PDE1C: variants seen among roughly 807,000 people sequenced by gnomAD.
The protein encoded by PDE1C is phosphodiesterase 1C, also known as dual specificity calcium/calmodulin-dependent 3',5'-cyclic nucleotide phosphodiesterase 1C.
PDE1C carries 62 observed loss-of-function variants against 93.1 expected under a neutral mutation model. The ratio of observed to expected loss-of-function variants is 0.67; its 90% CI spans 0.54 to 0.82. The LOEUF is 0.82. Among genes scored for constraint, PDE1C ranks in the 40% least tolerant of loss-of-function variants. The pLI, the probability that PDE1C is intolerant of heterozygous loss-of-function variation, is 0.00. For missense variants in PDE1C, 742 were observed against 884.6 expected, an observed-to-expected ratio of 0.84 and a Z score of 2.04; for synonymous variants, 325 against 310.1, an observed-to-expected ratio of 1.05 and a Z score of -0.50.
At chr7:32,243,618 A>C (rs1585018377) in intron 1 of PDE1C, among the ~76,000 whole-genome samples, 1 of 152,192 alleles carries the variant, frequency 6.6e-6, no homozygotes. Context: ...GGAGGTGGTG[A>C]TAGTGGGATC....
intron 1 of PDE1C, among the ~76,000 whole-genome samples, chr7:32,278,520 A>G (rs1160329926): frequency 6.6e-6 from 1 of 152,238 alleles, no homozygotes; most frequent in African/African-American, 2.4e-5. Flanking sequence ...ATCTACTCAC[A>G]TGCTTACAAA....
chr7:31,835,525 GGT>G (rs58539780), intron 11 of PDE1C, among the ~76,000 whole-genome samples: 109,038 of 146,912 alleles, frequency 0.74, 40,726 homozygotes, highest in Non-Finnish European at 0.81. Flanking sequence ...GGGGTGCTGC[GGT>G]GTGTGTGTGT....
chr7:32,252,293 AG>A (rs1809452114), intron 1 of PDE1C, among the ~76,000 whole-genome samples: 2 of 152,320 alleles, frequency 1.3e-5, no homozygotes, highest in South Asian at 4.1e-4. Flanking sequence ...CGGGACTATA[AG>A]GCACAAACCA....
intron 17 of PDE1C, among the ~76,000 whole-genome samples, chr7:31,765,856 G>A (rs562259795): frequency 6.6e-6 from 1 of 152,288 alleles, no homozygotes; most frequent in Non-Finnish European, 1.5e-5. Flanking sequence ...TTACAGTGAG[G>A]ACTATTTAGA....
intron 5 of PDE1C, among the ~76,000 whole-genome samples, chr7:31,876,790 G>A (rs866867952): frequency 3.9e-5 from 6 of 152,156 alleles, no homozygotes; most frequent in African/African-American, 1.4e-4. Flanking sequence ...TTCTTGCTGG[G>A]TCCTTCCTGA....
At chr7:31,861,776 GC>G (rs2128829030) in intron 7 of PDE1C, among the ~76,000 whole-genome samples, 1 of 152,164 alleles carries the variant, frequency 6.6e-6, no homozygotes, top group African/African-American at 2.4e-5. Flanking sequence ...TTCCTAGCAG[GC>G]TGCCTTAAAA....
At chr7:32,389,182 G>GTGTGTGTT (rs1784701881) in intron 1 of PDE1C, among the ~76,000 whole-genome samples, 1 of 139,600 alleles carries the variant, frequency 7.2e-6, no homozygotes, top group Non-Finnish European at 1.5e-5. Context: ...GTGTGTGTGT[G>GTGTGTGTT]TGTGTGTGGT....
chr7:31,659,094 G>C, the PDE1C span, among the ~76,000 whole-genome samples: 1 of 152,070 alleles, frequency 6.6e-6, no homozygotes, highest in South Asian at 2.1e-4. Flanking sequence ...TTTTATAACT[G>C]TGTAGTTGAT....
intron 3 of PDE1C, among the ~76,000 whole-genome samples, chr7:32,130,629 C>T (rs1233753706): frequency 6.6e-6 from 1 of 152,012 alleles, no homozygotes; most frequent in Non-Finnish European, 1.5e-5. Context: ...CCCTATGGTC[C>T]ATCTTACAAA....
intron 1 of PDE1C, among the ~76,000 whole-genome samples, chr7:32,244,893 T>C (rs1445201138): frequency 6.6e-6 from 1 of 152,204 alleles, no homozygotes; most frequent in Non-Finnish European, 1.5e-5. Context: ...ACTAAACAGT[T>C]GGTGAGCACA....
At chr7:32,333,413 A>G (rs1783551271) in intron 1 of PDE1C, among the ~76,000 whole-genome samples, 1 of 152,210 alleles carries the variant, frequency 6.6e-6, no homozygotes, top group Non-Finnish European at 1.5e-5. Flanking sequence ...CCATAATAAT[A>G]TAAGTATGGG....
intron 2 of PDE1C, among the ~76,000 whole-genome samples, chr7:31,916,509 C>T (rs1435746470): frequency 6.6e-6 from 1 of 152,196 alleles, no homozygotes; most frequent in Non-Finnish European, 1.5e-5. Flanking sequence ...CATGGACAAT[C>T]TTCATATGAC....
At chr7:32,277,949 A>G (rs963056877) in intron 1 of PDE1C, among the ~76,000 whole-genome samples, 1 of 152,156 alleles carries the variant, frequency 6.6e-6, no homozygotes, top group Non-Finnish European at 1.5e-5. Flanking sequence ...GTGGGAGGAG[A>G]TAGAAGGTGC....
intron 1 of PDE1C, among the ~76,000 whole-genome samples, chr7:32,229,863 GA>G (rs922250841): frequency 2.0e-5 from 3 of 152,188 alleles, no homozygotes; most frequent in Non-Finnish European, 4.4e-5. Flanking sequence ...AATCTAACAA[GA>G]GCTAGATTAT....
intron 1 of PDE1C, among the ~76,000 whole-genome samples, chr7:32,227,764 T>C (rs1001975525): frequency 6.6e-6 from 1 of 152,140 alleles, no homozygotes; most frequent in Non-Finnish European, 1.5e-5. Flanking sequence ...TGTCCAAGGC[T>C]CATAAGAAAC....
intron 1 of PDE1C, among the ~76,000 whole-genome samples, chr7:32,266,555 G>A (rs539696503): frequency 6.3e-4 from 96 of 152,332 alleles, no homozygotes; most frequent in Non-Finnish European, 1.1e-3. Context: ...GGGTGAGGGA[G>A]AGGAATAAAC....
intron 16 of PDE1C, chr7:31,787,254 G>A (rs944343986): frequency 6.6e-6 from 1 of 152,116 alleles, no homozygotes; most frequent in Non-Finnish European, 1.5e-5. Context: ...TCATTTTACT[G>A]TTTAAGTGTA....
chr7:31,985,745 A>G (rs923920604), intron 2 of PDE1C, among the ~76,000 whole-genome samples: 1 of 150,264 alleles, frequency 6.7e-6, no homozygotes, highest in Admixed American at 6.5e-5. Context: ...TGCAAAGGAC[A>G]TGAATTCATC....
chr7:32,308,093 G>T (rs1813062788), intron 1 of PDE1C, among the ~76,000 whole-genome samples: 1 of 152,240 alleles, frequency 6.6e-6, no homozygotes, highest in African/African-American at 2.4e-5. Context: ...CCCGCACATG[G>T]CTCAGAGGGT....
Sources: allele counts gnomAD v4.1 joint callset (sites outside exome capture counted in the v4.1 genomes callset), GRCh38; gene constraint gnomAD v4.1.1; transcripts MANE v1.5; gene names NCBI Gene and HGNC (gene_info 2026-07-23, HGNC 2026-07-21).